The following WDFY2 variants were observed in gnomAD, a reference collection of about 807,000 sequenced individuals.
WDFY2 encodes WD repeat and FYVE domain containing 2.
Under a neutral mutation model 56.4 loss-of-function variants are expected in WDFY2, and 36 were observed. The observed-to-expected ratio is 0.64, with a 90% CI of 0.49 to 0.84. WDFY2 has a LOEUF of 0.84. WDFY2 is among the 40% of genes least tolerant of loss of function. WDFY2 has a pLI of 0.00. For missense variants in WDFY2, 444 were observed against 512.2 expected (o/e 0.87, Z 1.29); for synonymous variants, 176 against 183.7 (o/e 0.96, Z 0.34).
chr13:51,657,294 A>G (rs1253562437), intron 1 of WDFY2, among the ~76,000 whole-genome samples: 1 of 152,162 alleles, frequency 6.6e-6, no homozygotes, highest in East Asian at 1.9e-4. Context: ...CATTTAGGAA[A>G]CAGAAAGAGG....
At chr13:51,601,506 C>T (rs1273589008) in intron 1 of WDFY2, among the ~76,000 whole-genome samples, 6 of 151,868 alleles carry the variant, frequency 4.0e-5, no homozygotes, top group Admixed American at 6.6e-5. Flanking sequence ...CCTCTGCCTC[C>T]GGGGTTCAAG....
At chr13:51,688,519 C>T (rs995396745) in intron 3 of WDFY2, among the ~76,000 whole-genome samples, 1 of 152,102 alleles carries the variant, frequency 6.6e-6, no homozygotes, top group Non-Finnish European at 1.5e-5. Context: ...ACCAAGTAAG[C>T]CTCTGACCCT....
At chr13:51,675,905 G>A (rs1955878543) in intron 3 of WDFY2, among the ~76,000 whole-genome samples, 1 of 152,152 alleles carries the variant, frequency 6.6e-6, no homozygotes, top group African/African-American at 2.4e-5. Context: ...GTTTCAACTA[G>A]TATATTAACT....
rs1954598496 is a variant in WDFY2 at position 51,615,741 on chromosome 13, ACT to A, written c.137+30920_137+30921del. 2.6e-5 allele frequency among the ~76,000 whole-genome samples: 4 copies of A among 152,058 alleles called. No homozygotes were observed. In the South Asian group the frequency reaches 8.3e-4, roughly 32 times the overall value. ...AACGACTTTGCAAAGTAATATGTAT[ACT>A]CTTTTTGTGACACCATGTCTCTTTC... On this transcript the variant is annotated intron_variant, in intron 1 of 11. Coordinates refer to ENST00000298125, the MANE Select transcript of WDFY2 (RefSeq NM_052950.4).
At chr13:51,696,142 G>A (rs551949067) in intron 3 of WDFY2, among the ~76,000 whole-genome samples, 136 of 152,324 alleles carry the variant, frequency 8.9e-4, no homozygotes, top group Non-Finnish European at 1.5e-3. Context: ...GTGAGGCAAT[G>A]CCTCGCCCTG....
chr13:51,666,195 T>C (rs990270991), intron 2 of WDFY2, among the ~76,000 whole-genome samples: 3 of 152,220 alleles, frequency 2.0e-5, no homozygotes, highest in Non-Finnish European at 4.4e-5. Flanking sequence ...GTCTGATTAT[T>C]CCTTTAAATT....
chr13:51,703,561 T>G (rs757926706), intron 3 of WDFY2, 35 bp from the exon 4 acceptor site: 2 of 1,483,210 alleles, frequency 1.3e-6, no homozygotes, highest in Non-Finnish European at 1.8e-6. Context: ...CTTAAAGAAT[T>G]TATTTTTGTT....
At position 51,767,385 on chromosome 13, in the gene WDFY2, C is replaced by CCTT. The variant is rs1369501875; in HGVS notation, c.*7618_*7620dup. 2 of 152,186 alleles carry CCTT rather than the reference C, an allele frequency of 1.3e-5. No individual in the cohort carries two copies. 9.4% of individuals were successfully genotyped at this position (152,186 alleles called of 1,614,324 possible). On this transcript the variant is annotated 3_prime_UTR_variant, in exon 12 of 12. Transcript: ENST00000298125. ...TCAGGCTGGCACACCCAGAAAAATC[C>CCTT]CTTCCTTGTGGTCCTTGGCTGATGA...
At chr13:51,754,573 C>T (rs1236436405) in intron 8 of WDFY2, among the ~76,000 whole-genome samples, 1 of 152,216 alleles carries the variant, frequency 6.6e-6, no homozygotes, top group African/African-American at 2.4e-5. Flanking sequence ...TTTGCATTCT[C>T]TGCTTAACAG....
At chr13:51,631,391 TAA>T (rs374903152) in intron 1 of WDFY2, among the ~76,000 whole-genome samples, 54 of 122,968 alleles carry the variant, frequency 4.4e-4, no homozygotes, top group Admixed American at 5.8e-4. Context: ...ATCCTGTCTC[TAA>T]AAAAAAAAAA....
Position 51,763,082 on chromosome 13 carries a change from A to G in WDFY2, c.*3313A>G, listed in dbSNP as rs1953639622. ...CTGGAAGGGATCTTCAGAGATCTAG[A>G]GTGTTTCAAGCAGAAAACACATTAG... On this transcript the variant is annotated 3_prime_UTR_variant, in exon 12 of 12. Transcript: ENST00000298125. The G allele has an allele frequency of 6.6e-6, 1 of 152,200 alleles. No homozygotes were observed. The highest frequency in any genetic ancestry group is 2.1e-4 in the South Asian group (1 of 4,834). The allele number at this position is 152,200 out of a possible 1,614,324, so 9.4% of individuals were successfully genotyped here. A position where few individuals can be genotyped will look rare whatever the true frequency, so the allele number is the denominator to read the frequency against.
rs192557106 is a variant in WDFY2, at chr13:51,651,925, G to T, written c.138-8671G>T. On this transcript the variant is annotated intron_variant, in intron 1 of 11. Coordinates refer to ENST00000298125, the MANE Select transcript of WDFY2 (RefSeq NM_052950.4). Reference sequence around the variant, plus strand: ...TAGATGTCTATTAGGTCCGCTTGGTGCAGAGCTGAGTTCAATTCCTGGATA... The same window carrying T: ...TAGATGTCTATTAGGTCCGCTTGGTTCAGAGCTGAGTTCAATTCCTGGATA... Among the ~76,000 whole-genome samples the T allele has an allele frequency of 5.3e-3, 811 of 152,286 alleles. 6 individuals carry two copies. Among genetic ancestry groups the T allele is most frequent in the African/African-American group, 0.018 (755 of 41,550 alleles).
intron 1 of WDFY2, among the ~76,000 whole-genome samples, chr13:51,605,305 A>G (rs1954364957): frequency 6.6e-6 from 1 of 152,224 alleles, no homozygotes; most frequent in Non-Finnish European, 1.5e-5. Context: ...CTAGATATGC[A>G]GCAGTTAGCA....
At chr13:51,587,409 ATC>A (rs1953964838) in intron 1 of WDFY2, 1 of 152,128 alleles carries the variant, frequency 6.6e-6, no homozygotes, top group African/African-American at 2.4e-5. Flanking sequence ...TCAGTGACTG[ATC>A]TGTTTTTTTG....
intron 6 of WDFY2, among the ~76,000 whole-genome samples, chr13:51,729,362 G>T (rs200203361): frequency 2.0e-5 from 3 of 148,566 alleles, no homozygotes; most frequent in Non-Finnish European, 3.0e-5. Context: ...AGCCCCCATC[G>T]CCATCTCATT....
At chr13:51,745,270 T>A (rs1191480728) in intron 7 of WDFY2, among the ~76,000 whole-genome samples, 1 of 152,116 alleles carries the variant, frequency 6.6e-6, no homozygotes, top group Non-Finnish European at 1.5e-5. Flanking sequence ...AAAACCCAAT[T>A]GGCTTTTAAA....
At chr13:51,652,499 T>C (rs1593937387) in intron 1 of WDFY2, among the ~76,000 whole-genome samples, 2 of 152,366 alleles carry the variant, frequency 1.3e-5, no homozygotes, top group East Asian at 3.9e-4. Flanking sequence ...CTTCCTAGCC[T>C]CGATGGTCTT....
At chr13:51,668,010 G>T (rs1955742640) in intron 2 of WDFY2, among the ~76,000 whole-genome samples, 1 of 144,754 alleles carries the variant, frequency 6.9e-6, no homozygotes, top group African/African-American at 2.6e-5. Context: ...TCCTGCCTCA[G>T]CCTCCCAAGT....
intron 1 of WDFY2, among the ~76,000 whole-genome samples, chr13:51,596,291 AG>A (rs1366474123): frequency 2.6e-5 from 4 of 152,238 alleles, no homozygotes; most frequent in Non-Finnish European, 5.9e-5. Flanking sequence ...CTGCATGCAT[AG>A]TTAGCTGAAT....
Sources: gnomAD v4.1 joint callset for allele counts (sites outside exome capture counted in the v4.1 genomes callset) on GRCh38, gnomAD v4.1.1 for gene constraint, MANE v1.5 for transcripts, NCBI Gene and HGNC (gene_info 2026-07-23, HGNC 2026-07-21) for gene names.